EML4: variants seen among roughly 807,000 people sequenced by gnomAD.
EML4 encodes echinoderm microtubule-associated protein-like 4.
A neutral mutation model predicts 129.0 loss-of-function variants in EML4; 72 were observed. That is an observed-to-expected ratio of 0.56 (90% CI 0.46 to 0.68). The LOEUF (loss-of-function observed/expected upper bound fraction) is 0.68, where lower values mean the gene tolerates loss of function less well. Among genes scored for constraint, EML4 ranks in the 30% least tolerant of loss-of-function variants. The probability of loss-of-function intolerance (pLI) is 0.00; values close to 1 mark genes in which losing one functional copy is unlikely to be tolerated. For synonymous variants in EML4, 532 were observed against 405.0 expected (o/e 1.31, Z -3.77); for missense variants, 1,363 against 1,190.6 (o/e 1.14, Z -2.13).
chr2:42,222,883 C>G lies in EML4; in HGVS notation c.26-22622C>G, dbSNP rs183439726. ...GTGCAATCTCGGCTCACTGCAAGCTCCGCCTCCCGGGTTCACGCCATTCTC... is the reference window on the plus strand; with the variant it reads ...GTGCAATCTCGGCTCACTGCAAGCTGCGCCTCCCGGGTTCACGCCATTCTC... On this transcript the variant is annotated intron_variant, in intron 1 of 22. Transcript: ENST00000318522. 1.1e-4 allele frequency among the ~76,000 whole-genome samples: 17 copies of G among 152,182 alleles called. No individual in the cohort carries two copies. The East Asian group carries it at 3.3e-3, about 29-fold the overall frequency.
At chr2:42,281,443 G>A (rs1667004088) in intron 7 of EML4, among the ~76,000 whole-genome samples, 1 of 151,096 alleles carries the variant, frequency 6.6e-6, no homozygotes, top group Admixed American at 6.6e-5. Context: ...TTTGCTGTTA[G>A]CAATTTAAAG....
intron 1 of EML4, among the ~76,000 whole-genome samples, chr2:42,193,112 A>G (rs999025084): frequency 1.3e-5 from 2 of 152,190 alleles, no homozygotes; most frequent in South Asian, 2.1e-4. Flanking sequence ...TAAGATTTTA[A>G]TACTGTATTT....
chr2:42,240,042 G>T (rs971603307), intron 1 of EML4, among the ~76,000 whole-genome samples: 3 of 152,138 alleles, frequency 2.0e-5, no homozygotes, highest in Non-Finnish European at 2.9e-5. Context: ...TGATGTCTCA[G>T]AGTCTTAGTT....
chr2:42,200,643 T>G (rs1292809206), intron 1 of EML4, among the ~76,000 whole-genome samples: 1 of 152,258 alleles, frequency 6.6e-6, no homozygotes, highest in Non-Finnish European at 1.5e-5. Flanking sequence ...TTACAGACTT[T>G]CTTTGTAGAG....
chr2:42,170,560 C>G (rs1483018075), intron 1 of EML4, among the ~76,000 whole-genome samples: 1 of 152,136 alleles, frequency 6.6e-6, no homozygotes, highest in African/African-American at 2.4e-5. Context: ...CTAGGAAAAT[C>G]AAAACTCCAG....
chr2:42,256,367 C>T (rs1676150038), intron 2 of EML4, 134 bp from the exon 3 acceptor site: 19 of 802,746 alleles, frequency 2.4e-5, no homozygotes, highest in Non-Finnish European at 3.6e-5. Flanking sequence ...GCATTCTGCT[C>T]AAGAGTTATA....
At chr2:42,328,741 A>G (rs1353784878) in intron 21 of EML4, 145 bp from the exon 22 acceptor site, 1 of 650,322 alleles carries the variant, frequency 1.5e-6, no homozygotes, top group Non-Finnish European at 2.4e-6. Flanking sequence ...TGAGCCACTG[A>G]GAAATTTGTA....
At chr2:42,254,960 A>G (rs1048937539) in intron 2 of EML4, among the ~76,000 whole-genome samples, 1 of 152,246 alleles carries the variant, frequency 6.6e-6, no homozygotes, top group Non-Finnish European at 1.5e-5. Flanking sequence ...AATGAAATAT[A>G]TGTGCTACAA....
chr2:42,238,462 G>A (rs1044105371), intron 1 of EML4, among the ~76,000 whole-genome samples: 1 of 152,170 alleles, frequency 6.6e-6, no homozygotes, highest in African/African-American at 2.4e-5. Context: ...CAAAAATGTG[G>A]TCTGGTGCAG....
Position 42,272,057 on chromosome 2 carries a change from C to T in EML4, c.667+7326C>T, listed in dbSNP as rs556757797. ...GGCGGAGTTTGCAGTGAGCTGAGAT[C>T]GCACCACTGCACTCCATCTCAAAAA... On this transcript the variant is annotated intron_variant, in intron 6 of 22. Transcript: ENST00000318522. 8.3e-5 allele frequency among the ~76,000 whole-genome samples: 12 copies of T among 144,606 alleles called. No homozygotes were observed. In the Admixed American group the frequency reaches 8.4e-4, roughly 10 times the overall value. The allele number at this position is 144,606 out of a possible 152,430, so 94.9% of individuals were successfully genotyped here.
intron 19 of EML4, among the ~76,000 whole-genome samples, chr2:42,320,239 A>C (rs1669451428): frequency 6.6e-6 from 1 of 152,060 alleles, no homozygotes; most frequent in African/African-American, 2.4e-5. Context: ...CTGTAATCCC[A>C]GCACTTTGGG....
intron 1 of EML4, among the ~76,000 whole-genome samples, chr2:42,220,818 T>C (rs1673545562): frequency 6.6e-6 from 1 of 152,138 alleles, no homozygotes; most frequent in South Asian, 2.1e-4. Flanking sequence ...ATGATAAAGT[T>C]AAACAGCCTT....
intron 8 of EML4, among the ~76,000 whole-genome samples, chr2:42,283,802 G>A (rs1353107932): frequency 6.6e-6 from 1 of 152,152 alleles, no homozygotes; most frequent in Non-Finnish European, 1.5e-5. Flanking sequence ...TTTTTCAGTT[G>A]GGGACTACTG....
chr2:42,287,076 C>T (rs747003053), intron 10 of EML4, among the ~76,000 whole-genome samples: 2 of 151,966 alleles, frequency 1.3e-5, no homozygotes, highest in African/African-American at 2.4e-5. Flanking sequence ...AGATAAATAC[C>T]CCTGTAGATT....
chr2:42,178,333 T>C (rs1670731261), intron 1 of EML4, among the ~76,000 whole-genome samples: 1 of 151,486 alleles, frequency 6.6e-6, no homozygotes. Flanking sequence ...ACTTGAGGCC[T>C]GGAGTTCAAG....
At chr2:42,184,638 T>C (rs1182204007) in intron 1 of EML4, among the ~76,000 whole-genome samples, 1 of 152,136 alleles carries the variant, frequency 6.6e-6, no homozygotes, top group Non-Finnish European at 1.5e-5. Context: ...ATTCAATATC[T>C]CTCCTTTCTC....
intron 2 of EML4, among the ~76,000 whole-genome samples, chr2:42,253,757 C>A (rs1382191792): frequency 6.6e-6 from 1 of 152,174 alleles, no homozygotes; most frequent in Non-Finnish European, 1.5e-5. Flanking sequence ...CCTTGACTCT[C>A]ACCTCACGCC....
At chr2:42,208,387 T>C (rs1672685505) in intron 1 of EML4, among the ~76,000 whole-genome samples, 1 of 151,356 alleles carries the variant, frequency 6.6e-6, no homozygotes. Context: ...TTAAATGTTT[T>C]CTTTACAATA....
intron 1 of EML4, among the ~76,000 whole-genome samples, chr2:42,229,984 G>T (rs1324703136): frequency 6.6e-6 from 1 of 151,606 alleles, no homozygotes; most frequent in East Asian, 1.9e-4. Context: ...AGAGGAGAGA[G>T]ATACCGATCT....
Sources: allele counts gnomAD v4.1 joint callset (sites outside exome capture counted in the v4.1 genomes callset), GRCh38; gene constraint gnomAD v4.1.1; transcripts MANE v1.5; gene names NCBI Gene and HGNC (gene_info 2026-07-23, HGNC 2026-07-21).